Variants in PCNP observed in about 807,000 individuals in gnomAD.
PCNP encodes the protein PEST proteolytic signal containing nuclear protein, also known as PEST proteolytic signal-containing nuclear protein.
A neutral mutation model predicts 21.8 loss-of-function variants in PCNP; 6 were observed. That is an observed-to-expected ratio of 0.28 (90% confidence interval 0.15 to 0.54). PCNP has a LOEUF of 0.54. Ranked by LOEUF, PCNP falls within the 20% of genes least tolerant of loss-of-function variation. The pLI is 0.95. For missense variants in PCNP, 161 were observed against 215.5 expected, an observed-to-expected ratio of 0.75 and a Z score of 1.58; for synonymous variants, 67 against 73.2, an observed-to-expected ratio of 0.92 and a Z score of 0.43.
intron 4 of PCNP, 42 bp downstream of exon 4, chr3:101,590,312 T>G (rs1935739292): frequency 3.0e-6 from 3 of 1,016,772 alleles, no homozygotes; most frequent in Admixed American, 2.0e-5. Flanking sequence ...GATACAAAGG[T>G]GAATTAACAA....
At chr3:101,578,198 A>T (rs1019884794) in intron 1 of PCNP, among the ~76,000 whole-genome samples, 2 of 151,458 alleles carry the variant, frequency 1.3e-5, no homozygotes, top group Non-Finnish European at 2.9e-5. Context: ...TTTTATTTTA[A>T]CTGTGTGTCA....
At chr3:101,579,587 A>T in intron 1 of PCNP, 2 of 703,608 alleles carry the variant, frequency 2.8e-6, no homozygotes. Context: ...ATTTTATGCT[A>T]GTTAATTCAT....
chr3:101,579,181 A>G (rs1935097381), intron 1 of PCNP, among the ~76,000 whole-genome samples: 1 of 152,112 alleles, frequency 6.6e-6, no homozygotes, highest in Non-Finnish European at 1.5e-5. Flanking sequence ...TAATAACCAA[A>G]TTGTCAGAGT....
rs990473291 is a variant in PCNP, at chr3:101,593,802, A to T, written c.*1049A>T. On this transcript the variant is annotated 3_prime_UTR_variant, in exon 5 of 5. Transcript: ENST00000265260. Reference sequence around the variant, plus strand: ...TATTTTAAATGCGTACATATTGACCAATGGCCTCTGAAAAAGCACATTTTA... The same window carrying T: ...TATTTTAAATGCGTACATATTGACCTATGGCCTCTGAAAAAGCACATTTTA... 6.6e-6 allele frequency: 1 copy of T among 152,646 alleles called. No homozygotes were observed. Among genetic ancestry groups the T allele is most frequent in the South Asian group, 2.1e-4 (1 of 4,832 alleles). 9.5% of individuals were successfully genotyped at this position (152,646 alleles called of 1,614,324 possible).
Position 101,592,603 on chromosome 3 carries a change from T to C in PCNP, c.411-24T>C, listed in dbSNP as rs1462380895. On this transcript the variant is annotated intron_variant, in intron 4 of 4. Transcript: ENST00000265260. Reference sequence around the variant, plus strand: ...GAAAGGCTTTATATAACATTTTAAATAAATTTTCTTTCTTTTAACACAGGG... The same window carrying C: ...GAAAGGCTTTATATAACATTTTAAACAAATTTTCTTTCTTTTAACACAGGG... 1.9e-6 allele frequency: 3 copies of C among 1,569,164 alleles called. No homozygotes were observed. In the African/African-American group the frequency reaches 4.1e-5, roughly 22 times the overall value.
intron 3 of PCNP, 56 bp from the exon 4 acceptor site, chr3:101,590,159 C>G: frequency 1.1e-6 from 1 of 900,808 alleles, no homozygotes; most frequent in Non-Finnish European, 1.8e-6. Context: ...TATTAGTAAT[C>G]AGGAATTGAA....
chr3:101,592,628 G>A lies in PCNP; in HGVS notation c.412G>A (p.Asp138Asn). Residue 138 changes from aspartate (D) to asparagine (N), a missense_variant and splice_region_variant, in exon 5 of 5, where the codon GAT (aspartate) becomes AAT (asparagine). Asp to Asn is a conservative substitution (Grantham distance 23, BLOSUM62 1). This residue lies in a region of PCNP where 66 missense variants were observed against 127.8 expected (regional missense o/e 0.52). Coordinates refer to ENST00000265260, the MANE Select transcript of PCNP (RefSeq NM_020357.3). Reference protein sequence around the residue: ...AKMRMKNIGRDTPTSAGPNSF... With the variant: ...AKMRMKNIGRNTPTSAGPNSF... Reference sequence around the variant, plus strand: ...TAAATTTTCTTTCTTTTAACACAGGGATACACCAACATCAGCTGGACCAAA... The same window carrying A: ...TAAATTTTCTTTCTTTTAACACAGGAATACACCAACATCAGCTGGACCAAA... The A allele has an allele frequency of 6.2e-7, 1 of 1,601,820 alleles. No homozygotes were observed. The highest frequency in any genetic ancestry group is 2.2e-5 in the East Asian group (1 of 44,736).
At chr3:101,592,575 C>A in intron 4 of PCNP, 52 bp from the exon 5 acceptor site, 1 of 1,443,918 alleles carries the variant, frequency 6.9e-7, no homozygotes, top group Non-Finnish European at 9.5e-7. Context: ...AAAATCATAA[C>A]CTGAAAGGCT....
chr3:101,590,357 T>C, intron 4 of PCNP, 87 bp downstream of exon 4: 2 of 733,818 alleles, frequency 2.7e-6, no homozygotes, highest in Admixed American at 2.4e-5. Flanking sequence ...CAGTTCAGGC[T>C]TTTCTTGTGC....
intron 1 of PCNP, chr3:101,576,780 C>T: frequency 3.7e-6 from 6 of 1,611,450 alleles, no homozygotes; most frequent in South Asian, 3.3e-5. Context: ...TGAGTTCTCC[C>T]GCCCTCTTGG....
intron 3 of PCNP, among the ~76,000 whole-genome samples, chr3:101,587,648 C>T (rs1935602580): frequency 6.6e-6 from 1 of 150,806 alleles, no homozygotes; most frequent in South Asian, 2.1e-4. Context: ...CTAGATGCAG[C>T]AGCATGTAAA....
chr3:101,576,681 A>G (rs1576603772), intron 1 of PCNP: 10 of 1,611,926 alleles, frequency 6.2e-6, no homozygotes, highest in Non-Finnish European at 8.5e-6. Flanking sequence ...CATCCTTTAC[A>G]TCCTTCTGTC....
intron 2 of PCNP, among the ~76,000 whole-genome samples, chr3:101,584,272 A>G (rs1935378130): frequency 6.6e-6 from 1 of 152,326 alleles, no homozygotes; most frequent in South Asian, 2.1e-4. Context: ...AGGAAAAGTC[A>G]TTGACAACAA....
At chr3:101,590,683 C>T (rs948294317) in intron 4 of PCNP, among the ~76,000 whole-genome samples, 2 of 151,836 alleles carry the variant, frequency 1.3e-5, no homozygotes, top group Admixed American at 6.6e-5. Context: ...AAGCTGGGAC[C>T]ACAGGCATAT....
chr3:101,580,320 C>T (rs1468464201), intron 2 of PCNP, among the ~76,000 whole-genome samples: 1 of 152,060 alleles, frequency 6.6e-6, no homozygotes, highest in East Asian at 1.9e-4. Flanking sequence ...AATCTGAAGA[C>T]TTGGGGAGGC....
intron 1 of PCNP, among the ~76,000 whole-genome samples, chr3:101,575,986 C>A (rs17345528): frequency 0.22 from 33,824 of 151,966 alleles, 4,045 homozygotes; most frequent in East Asian, 0.29. Context: ...CTTGCCGTTA[C>A]AAGAAAGTAG....
chr3:101,586,565 T>A (rs1935520815), intron 3 of PCNP, among the ~76,000 whole-genome samples: 3 of 107,020 alleles, frequency 2.8e-5, no homozygotes, highest in East Asian at 3.8e-4. Context: ...TGTGTGTGTG[T>A]GTGTGTGAGA....
rs1211493517 is a variant in PCNP, at chr3:101,590,247, G to C, written c.387G>C (p.Lys129Asn). Residue 129 changes from lysine to asparagine, a missense_variant, in exon 4 of 5, where the codon AAG becomes AAC. Physicochemically the swap from Lys to Asn is moderately conservative, Grantham distance 94. Transcript: ENST00000265260. ...SEPEEMPPEAKMRMKNIGRDT... is the reference protein window; with the variant it reads ...SEPEEMPPEANMRMKNIGRDT... ...CAGAGGAAATGCCTCCAGAAGCAAAGATGAGGATGAAGAATATTGGAAGGT... is the reference window on the plus strand; with the variant it reads ...CAGAGGAAATGCCTCCAGAAGCAAACATGAGGATGAAGAATATTGGAAGGT... 1 of 1,567,142 alleles carries C rather than the reference G, an allele frequency of 6.4e-7. No individual in the cohort carries two copies. Among genetic ancestry groups the C allele is most frequent in the Non-Finnish European group, 8.8e-7 (1 of 1,138,318 alleles).
At chr3:101,576,410 T>G in intron 1 of PCNP, 2 of 1,172,514 alleles carry the variant, frequency 1.7e-6, no homozygotes, top group Non-Finnish European at 2.3e-6. Flanking sequence ...AATTTTTGTA[T>G]TTTTATTTTT....
Sources: gnomAD v4.1 joint callset for allele counts (sites outside exome capture counted in the v4.1 genomes callset) on GRCh38, gnomAD v4.1.1 for gene constraint, gnomAD v4.1.1 regional missense constraint, MANE v1.5 for transcripts, NCBI Gene and HGNC (gene_info 2026-07-23, HGNC 2026-07-21) for gene names.